Variants in AOAH observed in about 807,000 individuals in gnomAD.
The protein encoded by AOAH is acyloxyacyl hydrolase, also known as acyloxyacyl hydrolase (neutrophil).
A neutral mutation model predicts 92.2 loss-of-function variants in AOAH; 64 were observed. The ratio of observed to expected loss-of-function variants is 0.69; its 90% CI spans 0.57 to 0.86. The LOEUF (loss-of-function observed/expected upper bound fraction) is 0.86, where lower values mean the gene tolerates loss of function less well. Ranked by LOEUF, AOAH falls within the 40% of genes least tolerant of loss-of-function variation. The pLI is 0.00. For missense variants in AOAH, 656 were observed against 694.6 expected (o/e 0.94, Z 0.62); for synonymous variants, 263 against 254.5 (o/e 1.03, Z -0.32).
intron 11 of AOAH, chr7:36,597,821 C>G (rs1418359635): frequency 6.6e-6 from 1 of 152,162 alleles, no homozygotes. Context: ...CTGAAGTGTG[C>G]CAGCAAAGTA....
intron 6 of AOAH, among the ~76,000 whole-genome samples, chr7:36,623,477 G>T (rs1792431425): frequency 6.6e-6 from 1 of 152,156 alleles, no homozygotes. Context: ...TATTAACTTG[G>T]CCTGTATGAG....
intron 1 of AOAH, among the ~76,000 whole-genome samples, chr7:36,691,485 T>C (rs1797395454): frequency 6.6e-6 from 1 of 152,204 alleles, no homozygotes; most frequent in South Asian, 2.1e-4. Flanking sequence ...TCTTAGAGTC[T>C]GGACATGGAT....
intron 4 of AOAH, among the ~76,000 whole-genome samples, chr7:36,657,069 G>T (rs1470448616): frequency 1.3e-5 from 2 of 152,104 alleles, no homozygotes; most frequent in Non-Finnish European, 2.9e-5. Context: ...GTATAAAATT[G>T]TATATGCATT....
chr7:36,669,619 G>A (rs1268504462), intron 3 of AOAH, among the ~76,000 whole-genome samples: 2 of 152,066 alleles, frequency 1.3e-5, no homozygotes, highest in East Asian at 3.9e-4. Flanking sequence ...CTGACCTCAA[G>A]TGATCCACCC....
At chr7:36,618,809 C>T (rs1343137978) in intron 9 of AOAH, among the ~76,000 whole-genome samples, 3 of 152,212 alleles carry the variant, frequency 2.0e-5, no homozygotes, top group East Asian at 1.9e-4. Context: ...TTGGCAATGT[C>T]TGGAGACATT....
At chr7:36,635,325 A>G (rs948605529) in intron 5 of AOAH, among the ~76,000 whole-genome samples, 3 of 152,070 alleles carry the variant, frequency 2.0e-5, no homozygotes, top group African/African-American at 7.2e-5. Flanking sequence ...TTCCCCATGC[A>G]CCAGGATGTC....
chr7:36,715,623 A>T (rs2117003550), intron 1 of AOAH, among the ~76,000 whole-genome samples: 1 of 149,756 alleles, frequency 6.7e-6, no homozygotes, highest in Non-Finnish European at 1.5e-5. Flanking sequence ...GTACCAAAAC[A>T]GAGATATAGA....
chr7:36,555,723 T>G (rs1405404056), intron 13 of AOAH, among the ~76,000 whole-genome samples: 5 of 152,344 alleles, frequency 3.3e-5, no homozygotes, highest in Admixed American at 6.5e-5. Context: ...GGAGAGCGTA[T>G]GTGTCAAGGA....
intron 6 of AOAH, among the ~76,000 whole-genome samples, chr7:36,624,560 G>A (rs1792501111): frequency 6.6e-6 from 1 of 152,200 alleles, no homozygotes; most frequent in Admixed American, 6.5e-5. Context: ...TTTTGGGGCT[G>A]GGAATTTTGC....
At chr7:36,531,842 T>TTG (rs3837108) in intron 18 of AOAH, among the ~76,000 whole-genome samples, 60,249 of 150,476 alleles carry the variant, frequency 0.4, 13,777 homozygotes, top group East Asian at 0.52. Flanking sequence ...CTTTAAGAGG[T>TTG]TGTGTGTGTG....
intron 13 of AOAH, among the ~76,000 whole-genome samples, chr7:36,565,001 CAG>C (rs996685389): frequency 2.0e-5 from 3 of 152,190 alleles, no homozygotes; most frequent in Non-Finnish European, 2.9e-5. Flanking sequence ...TGAGTAATAA[CAG>C]AGTGATTTCT....
At chr7:36,574,593 G>A (rs756030321) in intron 13 of AOAH, among the ~76,000 whole-genome samples, 6 of 152,174 alleles carry the variant, frequency 3.9e-5, no homozygotes, top group Non-Finnish European at 5.9e-5. Context: ...AAGTAACAAA[G>A]AGCAGCCTGC....
Position 36,540,302 on chromosome 7 carries a change from A to C in AOAH, c.1306+17T>G. On this transcript the variant is annotated intron_variant, in intron 16 of 20. Transcript: ENST00000617537. ...CATTGATGTTATTAAAGAGTAAAAG[A>C]ATCTTCAAACTGATACCGAGAGGAT... 6.3e-7 allele frequency: 1 copy of C among 1,597,558 alleles called. No homozygotes were observed. The highest frequency in any genetic ancestry group is 8.5e-7 in the Non-Finnish European group (1 of 1,170,302).
intron 1 of AOAH, among the ~76,000 whole-genome samples, chr7:36,698,191 T>C (rs1398163416): frequency 6.6e-6 from 1 of 152,216 alleles, no homozygotes; most frequent in Non-Finnish European, 1.5e-5. Flanking sequence ...GTATTTTATC[T>C]AAACTCTCCC....
chr7:36,596,751 G>A (rs1302171120), intron 11 of AOAH, among the ~76,000 whole-genome samples: 2 of 152,116 alleles, frequency 1.3e-5, no homozygotes, highest in Non-Finnish European at 2.9e-5. Flanking sequence ...CCAGCCTCCA[G>A]AATTCTGGGG....
At chr7:36,651,732 G>A (rs1295746559) in intron 4 of AOAH, among the ~76,000 whole-genome samples, 2 of 152,206 alleles carry the variant, frequency 1.3e-5, no homozygotes, top group Non-Finnish European at 2.9e-5. Flanking sequence ...GCCCTGGGTT[G>A]AGTTCAGATT....
Position 36,513,361 on chromosome 7 carries a change from G to A in AOAH, c.1619C>T (p.Ala540Val), listed in dbSNP as rs763520293. Residue 540 changes from alanine to valine, a missense_variant, in exon 21 of 21, where the codon GCG becomes GTG. By Grantham distance (64) the Ala-to-Val change is moderately conservative. Transcript: ENST00000617537. ...HPNEVALLLLADHFWKKVQLQ... is the reference protein window; with the variant it reads ...HPNEVALLLLVDHFWKKVQLQ... ...CTGCACCTTTTTCCAGAAATGATCC[G>A]CCAACAACAGCAAAGCCACCTGTGA... 6.9e-5 allele frequency: 111 copies of A among 1,613,804 alleles called. No homozygotes were observed. Among genetic ancestry groups the A allele is most frequent in the Admixed American group, 3.7e-4 (22 of 59,992 alleles).
chr7:36,550,001 G>A (rs1285629671), intron 13 of AOAH: 4 of 153,634 alleles, frequency 2.6e-5, no homozygotes, highest in African/African-American at 9.7e-5. Flanking sequence ...TTCAACTCTT[G>A]TAATGATATG....
intron 13 of AOAH, among the ~76,000 whole-genome samples, chr7:36,568,711 C>T (rs192222598): frequency 3.0e-4 from 45 of 152,310 alleles, no homozygotes; most frequent in Admixed American, 5.2e-4. Context: ...CTTTCTTCAC[C>T]CCTTCTCTGC....
Sources: allele counts gnomAD v4.1 joint callset (sites outside exome capture counted in the v4.1 genomes callset), GRCh38; gene constraint gnomAD v4.1.1; transcripts MANE v1.5; gene names NCBI Gene and HGNC (gene_info 2026-07-23, HGNC 2026-07-21).